STOML3: variants seen among roughly 807,000 people sequenced by gnomAD.
STOML3 encodes stomatin like 3, also known as stomatin-like protein 3.
In STOML3, 31 loss-of-function variants were observed where a neutral mutation model predicts 29.5. That is an observed-to-expected ratio of 1.05 (90% CI 0.79 to 1.42). STOML3 has a LOEUF of 1.42. STOML3 is among the 40% of genes most tolerant of loss of function. The pLI, the probability that STOML3 is intolerant of heterozygous loss-of-function variation, is 0.00. For synonymous variants in STOML3, 122 were observed against 139.8 expected (o/e 0.87, Z 0.90); for missense variants, 380 against 363.0 (o/e 1.05, Z -0.38).
Position 38,967,066 on chromosome 13 carries a change from A to G in STOML3, c.652-17T>C, listed in dbSNP as rs1880684069. The G allele has an allele frequency of 1.2e-6, 2 of 1,607,434 alleles. No homozygotes were observed. The highest frequency in any genetic ancestry group is 1.3e-5 in the African/African-American group (1 of 74,606). On this transcript the variant is annotated splice_polypyrimidine_tract_variant and intron_variant, in intron 6 of 6. Coordinates refer to ENST00000379631, the MANE Select transcript of STOML3 (RefSeq NM_145286.3). Reference sequence around the variant, plus strand: ...TGCAAGGACCTGAAATGACAGAAATAAAATCGTTCAGAAATAAAAGTTTAC... The same window carrying G: ...TGCAAGGACCTGAAATGACAGAAATGAAATCGTTCAGAAATAAAAGTTTAC...
chr13:38,987,329 C>A (rs553520150), intron 1 of STOML3, among the ~76,000 whole-genome samples: 23 of 151,862 alleles, frequency 1.5e-4, no homozygotes, highest in Non-Finnish European at 1.9e-4. Flanking sequence ...TCGAGACCAG[C>A]CTGGGCAATA....
At chr13:38,967,552 G>A (rs1470155167) in intron 6 of STOML3, among the ~76,000 whole-genome samples, 1 of 152,158 alleles carries the variant, frequency 6.6e-6, no homozygotes, top group Non-Finnish European at 1.5e-5. Flanking sequence ...ATAAGTGCCA[G>A]CCTTGTAACA....
intron 1 of STOML3, among the ~76,000 whole-genome samples, chr13:38,983,069 C>A (rs887116188): frequency 2.6e-5 from 4 of 151,998 alleles, no homozygotes; most frequent in Admixed American, 1.3e-4. Context: ...CTTCTCAATA[C>A]CCCACTCTTT....
chr13:38,984,872 G>A (rs1346883238), intron 1 of STOML3, among the ~76,000 whole-genome samples: 1 of 151,964 alleles, frequency 6.6e-6, no homozygotes, highest in Non-Finnish European at 1.5e-5. Context: ...TTTATTTTTT[G>A]TCTGCACCTC....
intron 6 of STOML3, among the ~76,000 whole-genome samples, chr13:38,967,289 C>CA (rs1880693149): frequency 1.3e-5 from 2 of 152,020 alleles, no homozygotes; most frequent in African/African-American, 4.8e-5. Context: ...TATCATCAAA[C>CA]AAAAATAAAA....
Position 38,972,486 on chromosome 13 carries a change from AG to A in STOML3, c.312+25del, listed in dbSNP as rs758588802. 4 of 1,597,192 alleles carry A rather than the reference AG, an allele frequency of 2.5e-6. No homozygotes were observed. In the South Asian group the frequency reaches 4.5e-5, roughly 18 times the overall value. On this transcript the variant is annotated intron_variant, in intron 4 of 6. Coordinates refer to ENST00000379631, the MANE Select transcript of STOML3 (RefSeq NM_145286.3). ...TAGAGAAAATACAAGTTTAATTTCG[AG>A]TGACATATCCTTAATCAGTACTACC...
intron 3 of STOML3, among the ~76,000 whole-genome samples, chr13:38,975,591 A>C (rs1881045032): frequency 6.6e-6 from 1 of 152,306 alleles, no homozygotes; most frequent in South Asian, 2.1e-4. Context: ...ATTGCTTTTC[A>C]TATGCCTTCT....
intron 1 of STOML3, among the ~76,000 whole-genome samples, chr13:38,988,087 T>TAAA (rs1376981580): frequency 9.0e-6 from 1 of 110,840 alleles, no homozygotes; most frequent in African/African-American, 3.4e-5. Flanking sequence ...ATATTTTATA[T>TAAA]ATAATATGTT....
chr13:38,974,339 G>A (rs1880995572), intron 3 of STOML3, among the ~76,000 whole-genome samples: 1 of 152,082 alleles, frequency 6.6e-6, no homozygotes, highest in Non-Finnish European at 1.5e-5. Context: ...CCTTTACACA[G>A]TGTTTGGTGA....
At chr13:38,970,882 C>G (rs924042189) in intron 4 of STOML3, among the ~76,000 whole-genome samples, 2 of 152,096 alleles carry the variant, frequency 1.3e-5, no homozygotes, top group African/African-American at 4.8e-5. Flanking sequence ...CAGCATCAAT[C>G]ATTCTGAATA....
chr13:38,976,461 C>T, intron 3 of STOML3, 79 bp downstream of exon 3: 4 of 1,532,696 alleles, frequency 2.6e-6, no homozygotes, highest in South Asian at 1.2e-5. Flanking sequence ...ATAGGCACCA[C>T]CAGGAAAAAT....
intron 1 of STOML3, among the ~76,000 whole-genome samples, chr13:38,985,907 C>CTTTTTTTTTTTTTTTTTTT (rs1868500200): frequency 8.5e-4 from 20 of 23,658 alleles, no homozygotes; most frequent in East Asian, 2.9e-3. Flanking sequence ...TTTTTCTTTT[C>CTTTTTTTTTTTTTTTTTTT]TTTCTTTTTT....
In STOML3 at chr13:38,972,583, C is replaced by G; in HGVS notation, c.241G>C (p.Val81Leu). The G allele has an allele frequency of 6.2e-7, 1 of 1,613,684 alleles. No individual in the cohort carries two copies. Among genetic ancestry groups the G allele is most frequent in the Non-Finnish European group, 8.5e-7 (1 of 1,179,872 alleles). Residue 81 changes from valine to leucine, a missense_variant, in exon 4 of 7, where the codon GTC becomes CTC. Physicochemically the swap from Val to Leu is conservative, Grantham distance 32. Transcript: ENST00000379631. ...DKAKGPGLIL[V>L]LPCIDVFVKV... Reference sequence around the variant, plus strand: ...ACAAACACATCTATGCATGGCAGGACCAGGATCAAACCTATGAGAGAAAAA... The same window carrying G: ...ACAAACACATCTATGCATGGCAGGAGCAGGATCAAACCTATGAGAGAAAAA...
At chr13:38,970,096 G>T in intron 5 of STOML3, 89 bp downstream of exon 5, 1 of 1,213,944 alleles carries the variant, frequency 8.2e-7, no homozygotes, top group Non-Finnish European at 1.2e-6. Flanking sequence ...ATGTGGTGGG[G>T]GATGCTTTGA....
intron 1 of STOML3, among the ~76,000 whole-genome samples, chr13:38,977,361 A>G (rs1020990213): frequency 2.8e-4 from 42 of 152,218 alleles, no homozygotes; most frequent in African/African-American, 9.6e-4. Context: ...CTGTTTCTTC[A>G]TCTGTAGAAT....
chr13:38,990,731 G>A lies in STOML3; in HGVS notation c.-10C>T. ...ACACCCTAGAATCCATCTCATTCTT[G>A]AGAAGCTTTTATACTTGGCAATTTT... On this transcript the variant is annotated 5_prime_UTR_variant, in exon 1 of 7. Transcript: ENST00000379631. The A allele has an allele frequency of 6.2e-7, 1 of 1,613,654 alleles. No individual in the cohort carries two copies. The highest frequency in any genetic ancestry group is 8.5e-7 in the Non-Finnish European group (1 of 1,179,754).
At chr13:38,972,016 G>GC (rs932842006) in intron 4 of STOML3, among the ~76,000 whole-genome samples, 3 of 152,186 alleles carry the variant, frequency 2.0e-5, no homozygotes, top group Non-Finnish European at 2.9e-5. Flanking sequence ...CCTTATGCCT[G>GC]CCCCCTCTAT....
chr13:38,982,965 T>G (rs908348711), intron 1 of STOML3, among the ~76,000 whole-genome samples: 12 of 152,182 alleles, frequency 7.9e-5, no homozygotes, highest in Non-Finnish European at 1.0e-4. Flanking sequence ...CCCCTATCTG[T>G]CTGTTACCTT....
chr13:38,983,820 T>C (rs1378780974), intron 1 of STOML3, among the ~76,000 whole-genome samples: 1 of 152,224 alleles, frequency 6.6e-6, no homozygotes, highest in Non-Finnish European at 1.5e-5. Flanking sequence ...CATTATCTAC[T>C]GTATGTTCCC....
Sources: gnomAD v4.1 joint callset for allele counts (sites outside exome capture counted in the v4.1 genomes callset) on GRCh38, gnomAD v4.1.1 for gene constraint, MANE v1.5 for transcripts, NCBI Gene and HGNC (gene_info 2026-07-23, HGNC 2026-07-21) for gene names.